The following ANKFN1 variants were observed in gnomAD, a reference collection of about 807,000 sequenced individuals.
ANKFN1 encodes ankyrin repeat and fibronectin type-III domain-containing protein 1.
In ANKFN1, 74 loss-of-function variants were observed where a neutral mutation model predicts 108.7. That is an observed-to-expected ratio of 0.68 (90% CI 0.56 to 0.83). ANKFN1 has a LOEUF of 0.83. Ranked by LOEUF, ANKFN1 falls within the 40% of genes least tolerant of loss-of-function variation. The pLI, the probability that ANKFN1 is intolerant of heterozygous loss-of-function variation, is 0.00. For synonymous variants in ANKFN1, 547 were observed against 516.2 expected (o/e 1.06, Z -0.81); for missense variants, 1,505 against 1,382.3 (o/e 1.09, Z -1.41).
chr17:56,457,271 C>T lies in ANKFN1; in HGVS notation c.1322C>T (p.Ala441Val). 2.5e-6 allele frequency: 4 copies of T among 1,590,124 alleles called. No individual in the cohort carries two copies. Among genetic ancestry groups the T allele is most frequent in the Non-Finnish European group, 3.4e-6 (4 of 1,169,106 alleles). Residue 441 changes from alanine (A) to valine (V), a missense_variant, in exon 13 of 21, where the codon GCC becomes GTC. By Grantham distance (64) the Ala-to-Val change is moderately conservative. Coordinates refer to ENST00000682825, the MANE Select transcript of ANKFN1 (RefSeq NM_001370326.1). ...VKTLKRGLYIAVIFYYKDNIL... is the reference protein window; with the variant it reads ...VKTLKRGLYIVVIFYYKDNIL... ...TTTCTTTTTAGGGGACTCTACATAG[C>T]CGTTATATTTTATTACAAAGACAAT...
chr17:56,318,005 G>A (rs2045257066), intron 3 of ANKFN1, among the ~76,000 whole-genome samples: 1 of 152,192 alleles, frequency 6.6e-6, no homozygotes, highest in Non-Finnish European at 1.5e-5. Flanking sequence ...CCAGGAAATA[G>A]CATTGCCTTG....
intron 1 of ANKFN1, among the ~76,000 whole-genome samples, chr17:56,166,257 G>T (rs1910118907): frequency 6.6e-6 from 1 of 152,134 alleles, no homozygotes; most frequent in Non-Finnish European, 1.5e-5. Flanking sequence ...CTAGATCTCA[G>T]TTTTCGTGAA....
intron 1 of ANKFN1, among the ~76,000 whole-genome samples, chr17:56,188,544 T>G (rs1912479259): frequency 2.0e-5 from 1 of 50,054 alleles, no homozygotes; most frequent in African/African-American, 1.6e-4. Flanking sequence ...ATAAGATGTA[T>G]ATGTGTGTGT....
intron 14 of ANKFN1, among the ~76,000 whole-genome samples, chr17:56,460,804 T>C (rs905476056): frequency 6.6e-6 from 1 of 152,126 alleles, no homozygotes; most frequent in Admixed American, 6.5e-5. Flanking sequence ...ATTCCTCTCA[T>C]AGCCCCACAT....
intron 3 of ANKFN1, among the ~76,000 whole-genome samples, chr17:56,237,611 T>C (rs528674041): frequency 6.6e-6 from 1 of 152,198 alleles, no homozygotes; most frequent in South Asian, 2.1e-4. Context: ...TTTATTTCTC[T>C]GGGGTCAGTG....
At chr17:56,504,172 A>G (rs2051475530) in intron 20 of ANKFN1, among the ~76,000 whole-genome samples, 1 of 152,238 alleles carries the variant, frequency 6.6e-6, no homozygotes, top group South Asian at 2.1e-4. Flanking sequence ...CATGCAAGTC[A>G]AATATTTAGA....
intron 3 of ANKFN1, among the ~76,000 whole-genome samples, chr17:56,297,517 A>C (rs1423497219): frequency 5.3e-5 from 8 of 152,204 alleles, no homozygotes; most frequent in Non-Finnish European, 1.2e-4. Context: ...GAACTTCAAA[A>C]CAACAGCCTC....
chr17:56,347,445 T>C (rs1217745412), intron 4 of ANKFN1, among the ~76,000 whole-genome samples: 1 of 152,026 alleles, frequency 6.6e-6, no homozygotes, highest in African/African-American at 2.4e-5. Context: ...AGAATTGAAA[T>C]GAGATTCCCA....
At chr17:56,338,814 A>G (rs1339660414) in intron 4 of ANKFN1, among the ~76,000 whole-genome samples, 3 of 152,106 alleles carry the variant, frequency 2.0e-5, no homozygotes, top group Non-Finnish European at 4.4e-5. Context: ...GAACACTTAC[A>G]AAAGAATGGG....
Position 56,264,234 on chromosome 17 carries a change from C to T in ANKFN1, c.53+36277C>T, listed in dbSNP as rs116455827. 1.4e-3 allele frequency among the ~76,000 whole-genome samples: 209 copies of T among 152,308 alleles called. 1 individual carries two copies. The highest frequency in any genetic ancestry group is 4.9e-3 in the African/African-American group (205 of 41,554). On this transcript the variant is annotated intron_variant, in intron 3 of 20. Transcript: ENST00000682825. ...TGGATTTGTGTTGTCTCTGAAGAGG[C>T]TGAGCTATGTAACTTACTCATATGC...
chr17:56,110,037 T>C (rs999242703), intron 4 of ANKFN1, among the ~76,000 whole-genome samples: 2 of 152,242 alleles, frequency 1.3e-5, no homozygotes, highest in Admixed American at 6.5e-5. Flanking sequence ...GGTTAGTTTG[T>C]GGTGCTTAAT....
rs546741850 is a variant in ANKFN1, at chr17:56,094,348, A to G, written c.288+48023A>G. On this transcript the variant is annotated intron_variant, in intron 4 of 12. Coordinates refer to the ANKFN1 transcript ENST00000635860. The stretch of plus-strand genomic sequence containing the variant: ...TTTCATGGTTTTGCAGAGTAAAATT[A>G]TGATTTTCAGCATAATTTTCAACAT... 2.1e-4 allele frequency among the ~76,000 whole-genome samples: 32 copies of G among 151,328 alleles called. 1 individual carries two copies. The highest frequency in any genetic ancestry group is 3.4e-3 in the Middle Eastern group (1 of 292).
chr17:56,264,679 T>C (rs2043604616), intron 3 of ANKFN1, among the ~76,000 whole-genome samples: 1 of 152,158 alleles, frequency 6.6e-6, no homozygotes, highest in South Asian at 2.1e-4. Flanking sequence ...TGACCTTGGG[T>C]TCTACAGGTT....
At position 56,510,715 on chromosome 17, in the gene ANKFN1, G is replaced by T; in HGVS notation, c.2887G>T (p.Asp963Tyr). 6.5e-7 allele frequency: 1 copy of T among 1,536,110 alleles called. No individual in the cohort carries two copies. Residue 963 changes from aspartate to tyrosine, a missense_variant, in exon 21 of 21, where the codon GAT (aspartate) becomes TAT (tyrosine). By Grantham distance (160) the Asp-to-Tyr change is radical. Transcript: ENST00000682825. ...TCCCCAGGGCGAGGGCCCAAATCCC[G>T]ATCACTCATGTGCCGAGTTTCTCCA... ...QDPQGEGPNP[D>Y]HSCAEFLHSL...
chr17:56,235,870 AT>A (rs1382994552), intron 3 of ANKFN1, among the ~76,000 whole-genome samples: 3 of 152,056 alleles, frequency 2.0e-5, no homozygotes, highest in Admixed American at 2.0e-4. Flanking sequence ...TTTTGAAATC[AT>A]TTTTTCTAAT....
intron 4 of ANKFN1, among the ~76,000 whole-genome samples, chr17:56,075,504 A>C (rs1040521117): frequency 3.3e-5 from 5 of 152,124 alleles, no homozygotes; most frequent in Admixed American, 2.6e-4. Context: ...CCCCAAGCAG[A>C]GTTCTTCCAA....
At chr17:56,372,315 G>A (rs929585) in intron 6 of ANKFN1, among the ~76,000 whole-genome samples, 83,803 of 151,974 alleles carry the variant, frequency 0.55, 27,251 homozygotes, top group East Asian at 0.96. Flanking sequence ...GGCAACAAAT[G>A]TGTACTCTCT....
chr17:56,124,658 C>T (rs904732083), intron 4 of ANKFN1, among the ~76,000 whole-genome samples: 1 of 152,170 alleles, frequency 6.6e-6, no homozygotes, highest in African/African-American at 2.4e-5. Context: ...CGGAACAACT[C>T]TCATTACTTT....
intron 4 of ANKFN1, chr17:56,111,055 G>A (rs1369834789): frequency 1.3e-5 from 2 of 152,360 alleles, no homozygotes; most frequent in African/African-American, 4.8e-5. Context: ...TGGTAAGTCT[G>A]CCCTTCTTTC....
Sources: allele counts gnomAD v4.1 joint callset (sites outside exome capture counted in the v4.1 genomes callset), GRCh38; gene constraint gnomAD v4.1.1; transcripts MANE v1.5; gene names NCBI Gene and HGNC (gene_info 2026-07-23, HGNC 2026-07-21).